Variants in PRICKLE2 observed in about 807,000 individuals in gnomAD.
PRICKLE2 encodes the protein prickle planar cell polarity protein 2, also known as prickle-like protein 2.
PRICKLE2 carries 21 observed loss-of-function variants against 81.4 expected under a neutral mutation model. The observed-to-expected ratio is 0.26, with a 90% CI of 0.18 to 0.37. The LOEUF (loss-of-function observed/expected upper bound fraction) is 0.37, where lower values mean the gene tolerates loss of function less well. Among genes scored for constraint, PRICKLE2 ranks in the 10% least tolerant of loss-of-function variants. The pLI, the probability that PRICKLE2 is intolerant of heterozygous loss-of-function variation, is 1.00. For missense variants in PRICKLE2, 940 were observed against 1,109.0 expected, an observed-to-expected ratio of 0.85 and a Z score of 2.16; for synonymous variants, 456 against 421.5, an observed-to-expected ratio of 1.08 and a Z score of -1.00.
chr3:64,244,531 G>A (rs898699799), intron 2 of PRICKLE2, among the ~76,000 whole-genome samples: 2 of 150,358 alleles, frequency 1.3e-5, no homozygotes, highest in South Asian at 4.2e-4. Flanking sequence ...TAGACATTCT[G>A]ATGTTGGCCA....
rs2008295 is a variant in PRICKLE2 at position 64,215,079 on chromosome 3, A to T, written c.-41+9831T>A. On this transcript the variant is annotated intron_variant, in intron 1 of 7. Transcript: ENST00000638394. ...ACCGTTTGTTTTTTAAACAATGATGATAACACTCAGCTCTCCTGCTTAAAA... is the reference window on the plus strand; with the variant it reads ...ACCGTTTGTTTTTTAAACAATGATGTTAACACTCAGCTCTCCTGCTTAAAA... Among the ~76,000 whole-genome samples the T allele has an allele frequency of 5.7e-3, 867 of 152,244 alleles. 9 individuals carry two copies. Among genetic ancestry groups the T allele is most frequent in the African/African-American group, 0.02 (814 of 41,532 alleles).
At chr3:64,223,441 C>T (rs2107151943) in intron 1 of PRICKLE2, among the ~76,000 whole-genome samples, 1 of 152,252 alleles carries the variant, frequency 6.6e-6, no homozygotes, top group Non-Finnish European at 1.5e-5. Context: ...CTCTAAGTTC[C>T]CTTCTCATTC....
chr3:64,160,185 T>C, intron 3 of PRICKLE2, 108 bp from the exon 4 acceptor site: 7 of 1,238,632 alleles, frequency 5.7e-6, no homozygotes, highest in Non-Finnish European at 8.2e-6. Flanking sequence ...TTTGGTTTTA[T>C]AGCCCTCGCC....
At chr3:64,223,068 T>C (rs1230424483) in intron 1 of PRICKLE2, among the ~76,000 whole-genome samples, 2 of 152,232 alleles carry the variant, frequency 1.3e-5, no homozygotes, top group Admixed American at 1.3e-4. Flanking sequence ...ATCATTTGGA[T>C]ATAACAGTAC....
At chr3:64,139,056 T>C (rs1292130097) in intron 7 of PRICKLE2, among the ~76,000 whole-genome samples, 1 of 152,260 alleles carries the variant, frequency 6.6e-6, no homozygotes, top group Non-Finnish European at 1.5e-5. Context: ...TTCCAGTTGT[T>C]GCTTTATATC....
At chr3:64,254,685 T>G (rs2079499298) in intron 2 of PRICKLE2, among the ~76,000 whole-genome samples, 1 of 152,242 alleles carries the variant, frequency 6.6e-6, no homozygotes, top group Non-Finnish European at 1.5e-5. Context: ...CTCGGAAGCT[T>G]TCTTGATCCC....
chr3:64,264,094 A>G (rs1487901708), intron 2 of PRICKLE2, among the ~76,000 whole-genome samples: 1 of 151,768 alleles, frequency 6.6e-6, no homozygotes, highest in African/African-American at 2.4e-5. Context: ...CACCAAGAGC[A>G]AATGCTTGAG....
intron 4 of PRICKLE2, 21 bp downstream of exon 4, chr3:64,159,919 C>A (rs746664056): frequency 3.1e-6 from 5 of 1,614,122 alleles, no homozygotes; most frequent in Non-Finnish European, 4.2e-6. Context: ...TGCCTCTTCA[C>A]TCCCCTGAAT....
Position 64,194,906 on chromosome 3 carries a change from G to A in PRICKLE2, c.144+3878C>T, listed in dbSNP as rs569327530. Among the ~76,000 whole-genome samples, 71 of 152,170 alleles carry A rather than the reference G, an allele frequency of 4.7e-4. No individual in the cohort carries two copies. In the Middle Eastern group the frequency reaches 0.01, roughly 22 times the overall value. Reference sequence around the variant, plus strand: ...AAAAATACAAAAATTAGCTGGGTGTGGCAGCATGTGCCTGCAGTCCCAGCT... The same window carrying A: ...AAAAATACAAAAATTAGCTGGGTGTAGCAGCATGTGCCTGCAGTCCCAGCT... On this transcript the variant is annotated intron_variant, in intron 2 of 7. Transcript: ENST00000638394.
intron 2 of PRICKLE2, among the ~76,000 whole-genome samples, chr3:64,233,916 T>C (rs889043211): frequency 1.3e-5 from 2 of 152,208 alleles, no homozygotes; most frequent in Non-Finnish European, 2.9e-5. Context: ...CATTTTATAT[T>C]AGTGAAAACA....
At chr3:64,256,509 A>G (rs1458445521) in intron 2 of PRICKLE2, among the ~76,000 whole-genome samples, 2 of 152,210 alleles carry the variant, frequency 1.3e-5, no homozygotes, top group East Asian at 3.9e-4. Flanking sequence ...CTACACAGAA[A>G]AAGTTTGTTG....
chr3:64,136,709 T>G (rs1237949606), intron 7 of PRICKLE2, among the ~76,000 whole-genome samples: 8 of 151,950 alleles, frequency 5.3e-5, no homozygotes, highest in Admixed American at 5.2e-4. Context: ...ACTAGAACAC[T>G]GTGGGAGGGA....
At chr3:64,138,763 G>C (rs2077314786) in intron 7 of PRICKLE2, among the ~76,000 whole-genome samples, 1 of 152,214 alleles carries the variant, frequency 6.6e-6, no homozygotes, top group Admixed American at 6.5e-5. Flanking sequence ...AGGACTCAAG[G>C]TTGTGATTCC....
intron 6 of PRICKLE2, among the ~76,000 whole-genome samples, chr3:64,151,689 C>T (rs773437973): frequency 2.0e-5 from 3 of 152,206 alleles, no homozygotes; most frequent in Non-Finnish European, 4.4e-5. Flanking sequence ...TGAGTCAAGA[C>T]ATTGCACCAT....
At chr3:64,157,110 TG>T in intron 5 of PRICKLE2, 51 bp downstream of exon 5, 1 of 1,502,804 alleles carries the variant, frequency 6.7e-7, no homozygotes, top group Non-Finnish European at 9.3e-7. Flanking sequence ...GTGTTGGCTA[TG>T]GTGCAATGAA....
At chr3:64,197,573 G>A (rs1374569562) in intron 2 of PRICKLE2, among the ~76,000 whole-genome samples, 1 of 152,142 alleles carries the variant, frequency 6.6e-6, no homozygotes, top group Non-Finnish European at 1.5e-5. Flanking sequence ...CAGAGTTGGA[G>A]GCCATTACCC....
At chr3:64,205,126 G>C (rs62251779) in intron 1 of PRICKLE2, among the ~76,000 whole-genome samples, 2 of 149,164 alleles carry the variant, frequency 1.3e-5, no homozygotes, top group Admixed American at 6.7e-5. Context: ...ACATACAAAG[G>C]GTGCATTGGC....
intron 2 of PRICKLE2, among the ~76,000 whole-genome samples, chr3:64,248,251 C>T (rs1222218345): frequency 2.0e-5 from 3 of 152,204 alleles, no homozygotes; most frequent in Non-Finnish European, 2.9e-5. Context: ...CATCTAGACT[C>T]CTCTTCAATG....
intron 2 of PRICKLE2, among the ~76,000 whole-genome samples, chr3:64,167,409 G>C (rs1167747060): frequency 1.3e-5 from 2 of 152,144 alleles, no homozygotes; most frequent in African/African-American, 4.8e-5. Context: ...AATCATACTA[G>C]GTAACTTTCC....
Sources: allele counts gnomAD v4.1 joint callset (sites outside exome capture counted in the v4.1 genomes callset), GRCh38; gene constraint gnomAD v4.1.1; transcripts MANE v1.5; gene names NCBI Gene and HGNC (gene_info 2026-07-23, HGNC 2026-07-21).